The following LARGE1 variants were observed in gnomAD, a reference collection of about 807,000 sequenced individuals.
The protein encoded by LARGE1 is LARGE xylosyl- and glucuronyltransferase 1.
LARGE1 carries 43 observed loss-of-function variants against 87.6 expected under a neutral mutation model. The observed-to-expected ratio is 0.49, with a 90% confidence interval of 0.38 to 0.63. The LOEUF is 0.63. LARGE1 is among the 30% of genes least tolerant of loss of function. The probability of loss-of-function intolerance (pLI) is 0.00; values close to 1 mark genes in which losing one functional copy is unlikely to be tolerated. For synonymous variants in LARGE1, 434 were observed against 394.6 expected, an observed-to-expected ratio of 1.10 and a Z score of -1.18; for missense variants, 802 against 1,000.2, an observed-to-expected ratio of 0.80 and a Z score of 2.67.
intron 2 of LARGE1, among the ~76,000 whole-genome samples, chr22:33,696,092 T>A (rs1240268389): frequency 6.6e-6 from 1 of 152,206 alleles, no homozygotes. Context: ...GTGAGTGGCA[T>A]ACCATGATAT....
chr22:33,091,317 T>C, the LARGE1 span, among the ~76,000 whole-genome samples: 1 of 152,088 alleles, frequency 6.6e-6, no homozygotes. Flanking sequence ...TCCTAGCACT[T>C]TGGGAGGCCG....
chr22:33,861,662 A>T (rs2063927096), intron 1 of LARGE1: 1 of 152,316 alleles, frequency 6.6e-6, no homozygotes, highest in African/African-American at 2.4e-5. Context: ...GCCACTCCTC[A>T]GTCCTGCCCC....
At chr22:33,919,190 G>T (rs774107068) in intron 1 of LARGE1, among the ~76,000 whole-genome samples, 6 of 151,614 alleles carry the variant, frequency 4.0e-5, no homozygotes, top group Non-Finnish European at 8.8e-5. Flanking sequence ...TGTTCCCTCC[G>T]AAGTGACCCA....
intron 9 of LARGE1, among the ~76,000 whole-genome samples, chr22:33,339,506 G>T (rs573325169): frequency 1.2e-4 from 18 of 152,190 alleles, no homozygotes; most frequent in African/African-American, 1.9e-4. Context: ...GTTTCAGAAA[G>T]ATCACTCTAT....
intron 2 of LARGE1, among the ~76,000 whole-genome samples, chr22:33,735,359 C>T (rs567480669): frequency 7.2e-5 from 11 of 152,212 alleles, no homozygotes; most frequent in Non-Finnish European, 1.5e-4. Context: ...CCTTTGAGAA[C>T]CATGCACTCC....
intron 2 of LARGE1, among the ~76,000 whole-genome samples, chr22:33,718,123 G>C (rs2082966966): frequency 6.6e-6 from 1 of 152,196 alleles, no homozygotes; most frequent in Non-Finnish European, 1.5e-5. Flanking sequence ...TTCTCTTCAA[G>C]CACACCAAAT....
chr22:33,764,683 G>C (rs1051267381), intron 1 of LARGE1, among the ~76,000 whole-genome samples: 1 of 152,128 alleles, frequency 6.6e-6, no homozygotes, highest in Non-Finnish European at 1.5e-5. Flanking sequence ...ACTGGAACCC[G>C]GGAGGCGGAG....
At chr22:33,150,277 T>C in the LARGE1 span, among the ~76,000 whole-genome samples, 5 of 152,122 alleles carry the variant, frequency 3.3e-5, no homozygotes, top group African/African-American at 1.2e-4. Context: ...AATAAACCCC[T>C]CATTTTAGTC....
chr22:33,772,177 C>T (rs953396052), intron 1 of LARGE1, among the ~76,000 whole-genome samples: 3 of 152,042 alleles, frequency 2.0e-5, no homozygotes, highest in Non-Finnish European at 4.4e-5. Context: ...ACTAAAAATA[C>T]AAAAAATTAG....
At chr22:33,562,325 T>A (rs1165240986) in intron 6 of LARGE1, among the ~76,000 whole-genome samples, 1 of 152,236 alleles carries the variant, frequency 6.6e-6, no homozygotes, top group Non-Finnish European at 1.5e-5. Flanking sequence ...TGTTTTGTAC[T>A]CCTTTGCTGG....
chr22:33,397,682 T>G lies in LARGE1; in HGVS notation c.893-13378A>C, dbSNP rs5994727. 8.8e-3 allele frequency among the ~76,000 whole-genome samples: 1,341 copies of G among 152,348 alleles called. 20 individuals carry two copies. Among genetic ancestry groups the G allele is most frequent in the African/African-American group, 0.031 (1,269 of 41,578 alleles). ...TGACGGCATGTGTATGCATTTCTGTTGAGTACATACCTCCAAGTGGAATTT... is the reference window on the plus strand; with the variant it reads ...TGACGGCATGTGTATGCATTTCTGTGGAGTACATACCTCCAAGTGGAATTT... On this transcript the variant is annotated intron_variant, in intron 7 of 14. Transcript: ENST00000397394.
intron 6 of LARGE1, among the ~76,000 whole-genome samples, chr22:33,471,985 G>T (rs1033071789): frequency 6.6e-6 from 1 of 152,132 alleles, no homozygotes; most frequent in Admixed American, 6.5e-5. Flanking sequence ...GGGAGGTGGA[G>T]GTTGCAGTGA....
At chr22:33,863,990 G>A (rs1437572825) in intron 1 of LARGE1, among the ~76,000 whole-genome samples, 1 of 152,166 alleles carries the variant, frequency 6.6e-6, no homozygotes, top group Non-Finnish European at 1.5e-5. Flanking sequence ...GTTTCCAGGT[G>A]AATGTGAGGC....
intron 1 of LARGE1, among the ~76,000 whole-genome samples, chr22:33,914,407 T>A (rs2065725715): frequency 6.6e-6 from 1 of 152,184 alleles, no homozygotes; most frequent in Admixed American, 6.5e-5. Flanking sequence ...TCCGGAGAGG[T>A]CACCTCAGCT....
rs188167900 is a variant in LARGE1 at position 33,397,587 on chromosome 22, A to G, written c.893-13283T>C. Among the ~76,000 whole-genome samples, 741 of 152,346 alleles carry G rather than the reference A, an allele frequency of 4.9e-3. 4 individuals carry two copies. Among genetic ancestry groups the G allele is most frequent in the Non-Finnish European group, 6.4e-3 (437 of 68,036 alleles). ...TGCTGTGTAATAATCTATGACATGA[A>G]TATCTTACTCTACCCATTATGTCAC... On this transcript the variant is annotated intron_variant, in intron 7 of 14. Transcript: ENST00000397394.
At chr22:33,884,015 C>A (rs1403973885) in intron 1 of LARGE1, among the ~76,000 whole-genome samples, 1 of 152,162 alleles carries the variant, frequency 6.6e-6, no homozygotes, top group Non-Finnish European at 1.5e-5. Flanking sequence ...ACTAACAGTC[C>A]CACAGTACTT....
the LARGE1 span, among the ~76,000 whole-genome samples, chr22:33,080,534 G>A: frequency 2.4e-3 from 359 of 152,344 alleles, no homozygotes; most frequent in African/African-American, 8.3e-3. Flanking sequence ...GGATGACACA[G>A]ACACTTCAGC....
intron 9 of LARGE1, among the ~76,000 whole-genome samples, chr22:33,373,284 T>C (rs2064879482): frequency 6.6e-6 from 1 of 152,204 alleles, no homozygotes; most frequent in Non-Finnish European, 1.5e-5. Context: ...AGTACTGATC[T>C]GCTCTTAGTA....
At chr22:33,098,909 C>T in the LARGE1 span, among the ~76,000 whole-genome samples, 1 of 152,134 alleles carries the variant, frequency 6.6e-6, no homozygotes, top group African/African-American at 2.4e-5. Context: ...GCTTACCTTC[C>T]CACAGATGCC....
Sources: gnomAD v4.1 joint callset for allele counts (sites outside exome capture counted in the v4.1 genomes callset) on GRCh38, gnomAD v4.1.1 for gene constraint, MANE v1.5 for transcripts, NCBI Gene and HGNC (gene_info 2026-07-23, HGNC 2026-07-21) for gene names.